SHANK2: variants seen among roughly 807,000 people sequenced by gnomAD.
The protein encoded by SHANK2 is SH3 and multiple ankyrin repeat domains 2.
SHANK2 carries 43 observed loss-of-function variants against 133.7 expected under a neutral mutation model. The observed-to-expected ratio is 0.32, with a 90% CI of 0.25 to 0.41. The LOEUF (loss-of-function observed/expected upper bound fraction) is 0.41. Among genes scored for constraint, SHANK2 ranks in the 10% least tolerant of loss-of-function variants. The pLI is 1.00. For missense variants in SHANK2, 1,994 were observed against 2,235.8 expected (o/e 0.89, Z 2.18); for synonymous variants, 1,017 against 952.8 (o/e 1.07, Z -1.24).
intron 1 of SHANK2, among the ~76,000 whole-genome samples, chr11:71,235,076 C>T (rs1456735979): frequency 1.3e-5 from 2 of 152,136 alleles, no homozygotes; most frequent in Non-Finnish European, 2.9e-5. Flanking sequence ...TGGGCTTTGT[C>T]CCCAGTTCCC....
Position 71,113,280 on chromosome 11 carries a change from G to C in SHANK2, c.483+13C>G, listed in dbSNP as rs117706585. On this transcript the variant is annotated intron_variant, in intron 5 of 25. Transcript: ENST00000601538. The stretch of plus-strand genomic sequence containing the variant: ...CTGCCTAACGTGTAAATAACAGCCC[G>C]TTCCCTGCATACCTTCGTGTGGAGC... 1 of 1,550,614 alleles carries C rather than the reference G, an allele frequency of 6.4e-7. No homozygotes were observed. Among genetic ancestry groups the C allele is most frequent in the Admixed American group, 2.0e-5 (1 of 50,968 alleles).
intron 3 of SHANK2, among the ~76,000 whole-genome samples, chr11:71,130,771 G>A (rs1305572650): frequency 6.6e-6 from 1 of 152,110 alleles, no homozygotes; most frequent in South Asian, 2.1e-4. Flanking sequence ...AAATGCCAGA[G>A]CATCTCAGGT....
chr11:70,502,763 C>CA, intron 18 of SHANK2, 33 bp downstream of exon 18: 1 of 1,124,584 alleles, frequency 8.9e-7, no homozygotes, highest in Non-Finnish European at 1.2e-6. Flanking sequence ...CAGTAGGGCC[C>CA]CAGGCTGGAG....
chr11:71,186,907 G>A (rs1953685416), intron 2 of SHANK2, among the ~76,000 whole-genome samples: 1 of 152,228 alleles, frequency 6.6e-6, no homozygotes. Context: ...CAGATGACAG[G>A]ATTGCCTTTG....
intron 17 of SHANK2, 33 bp downstream of exon 17, chr11:70,659,795 C>T (rs1555012717): frequency 1.2e-6 from 2 of 1,614,008 alleles, no homozygotes; most frequent in Non-Finnish European, 1.7e-6. Context: ...GCGCTCTCCC[C>T]AAGCAGAAAG....
chr11:70,915,423 ATAGC>A (rs1950256414), intron 10 of SHANK2, among the ~76,000 whole-genome samples: 1 of 152,212 alleles, frequency 6.6e-6, no homozygotes, highest in Non-Finnish European at 1.5e-5. Flanking sequence ...TAATCCAAGA[ATAGC>A]TATCAGGCAT....
chr11:70,659,872 C>T lies in SHANK2; in HGVS notation c.2017G>A (p.Val673Met). 2 of 1,614,182 alleles carry T rather than the reference C, an allele frequency of 1.2e-6. No homozygotes were observed. Among genetic ancestry groups the T allele is most frequent in the Non-Finnish European group, 1.7e-6 (2 of 1,180,040 alleles). The change falls in exon 17 of 26, where the codon GTG becomes ATG. Residue 673 changes from valine (V) to methionine (M), a missense_variant. Around this residue, in one of 5 missense-constraint regions of SHANK2, gnomAD observed 488 missense variants for 642.6 expected, o/e 0.76. Coordinates refer to ENST00000601538, the MANE Select transcript of SHANK2 (RefSeq NM_012309.5). ...GTCCTTAGTCCGGCTTGCCACGCCACCCCACCTTCATCCACGGACTCCAGG... is the reference window on the plus strand; with the variant it reads ...GTCCTTAGTCCGGCTTGCCACGCCATCCCACCTTCATCCACGGACTCCAGG... Reference protein sequence around the residue: ...QYLESVDEGGVAWQAGLRTGD... With the variant: ...QYLESVDEGGMAWQAGLRTGD...
At chr11:70,773,879 C>T (rs188817833) in intron 14 of SHANK2, among the ~76,000 whole-genome samples, 4 of 152,272 alleles carry the variant, frequency 2.6e-5, no homozygotes, top group East Asian at 1.9e-4. Context: ...ACACTGTTGT[C>T]GGGAATGTAA....
chr11:70,759,481 C>G (rs1268139373), intron 14 of SHANK2, among the ~76,000 whole-genome samples: 1 of 152,090 alleles, frequency 6.6e-6, no homozygotes, highest in Non-Finnish European at 1.5e-5. Context: ...GACTCCATCT[C>G]AAAAACAAAA....
At chr11:71,123,142 A>C (rs1165913556) in intron 3 of SHANK2, among the ~76,000 whole-genome samples, 1 of 152,166 alleles carries the variant, frequency 6.6e-6, no homozygotes, top group African/African-American at 2.4e-5. Context: ...CTTTGGATGA[A>C]TCCTACTTCA....
chr11:71,124,277 G>GTGGTGATGAT (rs1952139651), intron 3 of SHANK2, among the ~76,000 whole-genome samples: 6 of 145,916 alleles, frequency 4.1e-5, no homozygotes, highest in Non-Finnish European at 8.9e-5. Context: ...GGGGATGGTA[G>GTGGTGATGAT]TGATGATGAT....
chr11:71,173,479 T>C (rs1370068218), intron 2 of SHANK2, among the ~76,000 whole-genome samples: 1 of 152,240 alleles, frequency 6.6e-6, no homozygotes, highest in Admixed American at 6.5e-5. Flanking sequence ...CACACAAAGC[T>C]AATACTGTTT....
At chr11:70,842,944 C>T (rs782649063) in intron 11 of SHANK2, among the ~76,000 whole-genome samples, 9 of 152,090 alleles carry the variant, frequency 5.9e-5, no homozygotes, top group South Asian at 2.1e-4. Context: ...GCCATTCCCT[C>T]GTGTCATCTG....
chr11:70,661,704 G>A lies in SHANK2; in HGVS notation c.1854-26C>T, dbSNP rs1555013391. 4 of 1,614,070 alleles carry A rather than the reference G, an allele frequency of 2.5e-6. No individual in the cohort carries two copies. The South Asian group carries it at 3.3e-5, about 13-fold the overall frequency. On this transcript the variant is annotated intron_variant, in intron 15 of 25. Transcript: ENST00000601538. ...CTGTAGAGAGAATTCCGGGGACAGC[G>A]ACCATTATTGTAGCCCGTCATCATC...
chr11:70,774,846 G>A (rs568522383), intron 14 of SHANK2, among the ~76,000 whole-genome samples: 1 of 152,266 alleles, frequency 6.6e-6, no homozygotes, highest in Admixed American at 6.5e-5. Flanking sequence ...AAACTAAACA[G>A]GCGAGGGTTA....
chr11:70,699,067 G>C (rs1164795436), intron 14 of SHANK2, among the ~76,000 whole-genome samples: 1 of 152,174 alleles, frequency 6.6e-6, no homozygotes, highest in African/African-American at 2.4e-5. Context: ...GCAAAGATGA[G>C]AGGGCCAGGC....
chr11:71,120,453 A>C (rs1225144747), intron 3 of SHANK2, among the ~76,000 whole-genome samples: 2 of 152,164 alleles, frequency 1.3e-5, no homozygotes, highest in Non-Finnish European at 2.9e-5. Context: ...CATCTTCCCA[A>C]GACAGCCCGA....
chr11:71,198,840 C>G (rs1204365121), intron 2 of SHANK2, among the ~76,000 whole-genome samples: 3 of 152,232 alleles, frequency 2.0e-5, no homozygotes, highest in Non-Finnish European at 2.9e-5. Context: ...GGATCCTGCA[C>G]TGGTGGCCGT....
chr11:70,477,113 C>T (rs899553774), intron 25 of SHANK2, among the ~76,000 whole-genome samples: 3 of 152,114 alleles, frequency 2.0e-5, no homozygotes, highest in Admixed American at 6.6e-5. Flanking sequence ...GAGAGTGGCA[C>T]ACACGGGGTC....
Sources: gnomAD v4.1 joint callset for allele counts (sites outside exome capture counted in the v4.1 genomes callset) on GRCh38, gnomAD v4.1.1 for gene constraint, gnomAD v4.1.1 regional missense constraint, MANE v1.5 for transcripts, NCBI Gene and HGNC (gene_info 2026-07-23, HGNC 2026-07-21) for gene names.